The following MPP4 variants were observed in gnomAD, a reference collection of about 807,000 sequenced individuals.
MPP4 encodes MAGUK p55 scaffold protein 4, also known as MAGUK p55 subfamily member 4.
MPP4 carries 91 observed loss-of-function variants against 98.3 expected under a neutral mutation model. The ratio of observed to expected loss-of-function variants is 0.93; its 90% confidence interval spans 0.78 to 1.10. The LOEUF (loss-of-function observed/expected upper bound fraction) is 1.10, where lower values mean the gene tolerates loss of function less well. Ranked by LOEUF, MPP4 falls within the 50% of genes least tolerant of loss-of-function variation. MPP4 has a pLI of 0.00. For synonymous variants in MPP4, 261 were observed against 271.8 expected (o/e 0.96, Z 0.39); for missense variants, 744 against 792.9 (o/e 0.94, Z 0.74).
intron 2 of MPP4, among the ~76,000 whole-genome samples, 178 bp from the exon 3 acceptor site, chr2:201,693,207 T>C (rs1426452851): frequency 6.6e-6 from 1 of 152,226 alleles, no homozygotes; most frequent in East Asian, 1.9e-4. Context: ...CGTCACAAAG[T>C]CACATAGCTA....
chr2:201,662,782 T>G (rs1688063667), intron 14 of MPP4, among the ~76,000 whole-genome samples: 1 of 151,944 alleles, frequency 6.6e-6, no homozygotes, highest in Non-Finnish European at 1.5e-5. Context: ...TTAATTGGGG[T>G]AAAGATAATA....
chr2:201,658,350 A>G, intron 16 of MPP4, 127 bp downstream of exon 16: 2 of 729,886 alleles, frequency 2.7e-6, no homozygotes, highest in Non-Finnish European at 4.6e-6. Context: ...CAGAAAGAAA[A>G]GGAAACTAGA....
chr2:201,668,476 TC>T (rs774039632), intron 12 of MPP4, among the ~76,000 whole-genome samples: 2 of 149,340 alleles, frequency 1.3e-5, no homozygotes, highest in African/African-American at 5.0e-5. Context: ...TCTCTTCTCT[TC>T]CTCTCTCTCT....
rs1028248872 is a variant in MPP4, at chr2:201,697,836, G to A, written c.-101+751C>T. 1.6e-4 allele frequency: 108 copies of A among 687,584 alleles called. 7 individuals carry two copies. Among genetic ancestry groups the A allele is most frequent in the Non-Finnish European group, 3.6e-6 (2 of 558,034 alleles). The allele number at this position is 687,584 out of a possible 1,614,324, so 42.6% of individuals were successfully genotyped here. On this transcript the variant is annotated intron_variant, in intron 1 of 21. Transcript: ENST00000409474. Reference sequence around the variant, plus strand: ...AATCTGACATTCAAGGAGGTATTCAGTAGAGTTAACATGTAGTAAAATCGA... The same window carrying A: ...AATCTGACATTCAAGGAGGTATTCAATAGAGTTAACATGTAGTAAAATCGA...
intron 3 of MPP4, 146 bp downstream of exon 3, chr2:201,692,762 C>G: frequency 1.6e-6 from 2 of 1,233,494 alleles, no homozygotes; most frequent in Non-Finnish European, 2.2e-6. Context: ...TTTTGGACTT[C>G]CTGGCCTACA....
Position 201,656,381 on chromosome 2 carries a change from A to G in MPP4, c.1130-13T>C, listed in dbSNP as rs76603204. 9.3e-3 allele frequency: 14,350 copies of G among 1,539,166 alleles called. 1,063 individuals carry two copies. The East Asian group carries it at 0.22, about 23-fold the overall frequency. ...CGGCGGAAGCCAGCTAGGGAGGGGA[A>G]GTGCACAGAACGTAAGAACCAGGCA... On this transcript the variant is annotated splice_polypyrimidine_tract_variant and intron_variant, in intron 16 of 21. Transcript: ENST00000409474.
chr2:201,677,765 A>C (rs1218066133), intron 10 of MPP4, among the ~76,000 whole-genome samples: 1 of 152,218 alleles, frequency 6.6e-6, no homozygotes, highest in Non-Finnish European at 1.5e-5. Flanking sequence ...ATTTTACAAA[A>C]TACCCAGCTC....
chr2:201,687,920 C>T (rs1171872221), intron 4 of MPP4, among the ~76,000 whole-genome samples: 3 of 152,194 alleles, frequency 2.0e-5, no homozygotes, highest in Non-Finnish European at 4.4e-5. Flanking sequence ...ATTCTGCTCT[C>T]TCTGCTGTGG....
chr2:201,672,844 G>A (rs111885357), intron 11 of MPP4, among the ~76,000 whole-genome samples: 22,682 of 151,920 alleles, frequency 0.15, 1,958 homozygotes, highest in Admixed American at 0.27. Context: ...GGAAAAAGAG[G>A]GACTCCTCCC....
rs1262216999 is a variant in MPP4, at chr2:201,645,084, TAATA to T, written c.*122_*125del. ...AAAATTTTTTTCAAATAAGATTAAT[TAATA>T]AATTGCTGCACTTTTAAAGTTGTAC... On this transcript the variant is annotated 3_prime_UTR_variant, in exon 22 of 22. Transcript: ENST00000409474. 7 of 837,830 alleles carry T rather than the reference TAATA, an allele frequency of 8.4e-6. No homozygotes were observed. Among genetic ancestry groups the T allele is most frequent in the Non-Finnish European group, 9.9e-6 (6 of 604,350 alleles). 51.9% of individuals were successfully genotyped at this position (837,830 alleles called of 1,614,324 possible). A position where few individuals can be genotyped will look rare whatever the true frequency, so the allele number is the denominator to read the frequency against.
At position 201,690,243 on chromosome 2, in the gene MPP4, GTTTCT is replaced by G; in HGVS notation, c.233_237del (p.Lys78ThrfsTer14). ...TGTGCATGTGGTGTGGCAGGAACTA[GTTTCT>G]TTTCTTTAAATTCCTGGAGGCAGTC... On this transcript the variant is annotated frameshift_variant, in exon 4 of 22. Coordinates refer to ENST00000409474, the MANE Select transcript of MPP4 (RefSeq NM_033066.3). LOFTEE classifies it high-confidence loss of function. 6.2e-7 allele frequency: 1 copy of G among 1,609,598 alleles called. No individual in the cohort carries two copies. Among genetic ancestry groups the G allele is most frequent in the Non-Finnish European group, 8.5e-7 (1 of 1,177,930 alleles).
chr2:201,673,262 T>C (rs2105931016), intron 11 of MPP4, among the ~76,000 whole-genome samples: 2 of 152,188 alleles, frequency 1.3e-5, no homozygotes, highest in South Asian at 4.1e-4. Context: ...GCCAGAATCA[T>C]ACTGAATGGG....
At chr2:201,674,962 T>C in intron 11 of MPP4, 1 of 623,096 alleles carries the variant, frequency 1.6e-6, no homozygotes, top group Admixed American at 2.2e-5. Context: ...CAACTCCCTA[T>C]GATTTCGTCT....
chr2:201,676,157 A>G (rs1354138460), intron 10 of MPP4, among the ~76,000 whole-genome samples: 5 of 152,200 alleles, frequency 3.3e-5, no homozygotes, highest in African/African-American at 7.2e-5. Context: ...CCTGCCTCCA[A>G]TTCCCTGGAG....
At chr2:201,646,364 A>G (rs1317682718) in intron 21 of MPP4, among the ~76,000 whole-genome samples, 1 of 152,224 alleles carries the variant, frequency 6.6e-6, no homozygotes, top group African/African-American at 2.4e-5. Flanking sequence ...ATGTTCATTT[A>G]ATGAAGGTAA....
chr2:201,684,558 A>G (rs1688760566), intron 7 of MPP4, among the ~76,000 whole-genome samples: 1 of 152,330 alleles, frequency 6.6e-6, no homozygotes, highest in South Asian at 2.1e-4. Context: ...GACTCAGTGA[A>G]GGAGAGGAGT....
rs1343777003 is a variant in MPP4 at position 201,675,281 on chromosome 2, G to T, written c.930-10C>A. 6.2e-6 allele frequency: 10 copies of T among 1,604,574 alleles called. No homozygotes were observed. In the South Asian group the frequency reaches 9.0e-5, roughly 14 times the overall value. ...GAATTCCCGTTGCTTCCTATGGGGG[G>T]GAAAAAACCATGCGACAAAAAACAA... On this transcript the variant is annotated splice_polypyrimidine_tract_variant and intron_variant, in intron 10 of 21. Coordinates refer to ENST00000409474, the MANE Select transcript of MPP4 (RefSeq NM_033066.3).
At chr2:201,682,789 ATTTCT>A (rs1211285564) in intron 8 of MPP4, 37 bp downstream of exon 8, 1 of 1,568,384 alleles carries the variant, frequency 6.4e-7, no homozygotes, top group African/African-American at 1.4e-5. Context: ...CAGCCTTGGC[ATTTCT>A]CCAAGTCATT....
chr2:201,655,691 C>T (rs564026636), intron 17 of MPP4, among the ~76,000 whole-genome samples: 1 of 152,306 alleles, frequency 6.6e-6, no homozygotes, highest in East Asian at 1.9e-4. Context: ...AAAAGCAGGT[C>T]ACTCCTGCAC....
Sources: gnomAD v4.1 joint callset for allele counts (sites outside exome capture counted in the v4.1 genomes callset) on GRCh38, gnomAD v4.1.1 for gene constraint, MANE v1.5 for transcripts, NCBI Gene and HGNC (gene_info 2026-07-23, HGNC 2026-07-21) for gene names.